The following GLCCI1 variants were observed in gnomAD, a reference collection of about 807,000 sequenced individuals.
GLCCI1 encodes the protein glucocorticoid induced 1.
A neutral mutation model predicts 52.2 loss-of-function variants in GLCCI1; 24 were observed. The observed-to-expected ratio is 0.46, with a 90% CI of 0.33 to 0.65. The LOEUF (loss-of-function observed/expected upper bound fraction) is 0.65. Among genes scored for constraint, GLCCI1 ranks in the 30% least tolerant of loss-of-function variants. The probability of loss-of-function intolerance (pLI) is 0.02; values close to 1 mark genes in which losing one functional copy is unlikely to be tolerated. For missense variants in GLCCI1, 704 were observed against 701.5 expected (o/e 1.00, Z -0.04); for synonymous variants, 310 against 276.5 (o/e 1.12, Z -1.20).
chr7:8,043,245 C>A (rs1009720713), intron 3 of GLCCI1, among the ~76,000 whole-genome samples: 63 of 151,926 alleles, frequency 4.1e-4, no homozygotes, highest in African/African-American at 1.5e-3. Flanking sequence ...TGACTCACTT[C>A]ATTGCTATAT....
At chr7:8,025,982 G>A (rs1046944469) in intron 3 of GLCCI1, among the ~76,000 whole-genome samples, 6 of 152,182 alleles carry the variant, frequency 3.9e-5, no homozygotes, top group Non-Finnish European at 8.8e-5. Flanking sequence ...CTGAAAGGAA[G>A]TAACACTGTA....
intron 2 of GLCCI1, among the ~76,000 whole-genome samples, chr7:8,015,810 C>T (rs983430555): frequency 6.6e-6 from 1 of 152,172 alleles, no homozygotes; most frequent in Non-Finnish European, 1.5e-5. Context: ...GTTATGTGTT[C>T]ATTTGTTTCA....
intron 6 of GLCCI1, among the ~76,000 whole-genome samples, chr7:8,083,532 G>A (rs928813239): frequency 1.3e-5 from 2 of 152,084 alleles, no homozygotes; most frequent in East Asian, 1.9e-4. Flanking sequence ...CATGCAAGAT[G>A]TAGGATAAAT....
chr7:7,974,435 A>G (rs2115401183), intron 1 of GLCCI1, among the ~76,000 whole-genome samples: 1 of 152,302 alleles, frequency 6.6e-6, no homozygotes, highest in Non-Finnish European at 1.5e-5. Context: ...TATTAATTAC[A>G]GTACTTTTTA....
intron 2 of GLCCI1, among the ~76,000 whole-genome samples, chr7:8,021,475 C>A (rs1334321241): frequency 6.6e-6 from 1 of 152,090 alleles, no homozygotes; most frequent in Non-Finnish European, 1.5e-5. Flanking sequence ...TGCAATGACA[C>A]AATCTTGGCT....
chr7:8,048,700 T>A (rs1782190660), intron 3 of GLCCI1, among the ~76,000 whole-genome samples: 1 of 152,194 alleles, frequency 6.6e-6, no homozygotes. Context: ...TCATAGATGC[T>A]AGCAGAAGGT....
intron 2 of GLCCI1, among the ~76,000 whole-genome samples, chr7:8,015,456 T>TG (rs1015902695): frequency 2.0e-5 from 3 of 152,226 alleles, no homozygotes; most frequent in African/African-American, 7.2e-5. Flanking sequence ...GAAGCAAGAC[T>TG]GAAGATTTGA....
chr7:8,023,832 T>G (rs1034586271), intron 3 of GLCCI1, among the ~76,000 whole-genome samples: 1 of 151,624 alleles, frequency 6.6e-6, no homozygotes, highest in African/African-American at 2.4e-5. Flanking sequence ...CTCCTGACCT[T>G]AAGCGATCTG....
chr7:8,037,760 A>T (rs1781898994), intron 3 of GLCCI1, among the ~76,000 whole-genome samples: 1 of 152,176 alleles, frequency 6.6e-6, no homozygotes, highest in South Asian at 2.1e-4. Context: ...TACATCAGAT[A>T]AAACAGATTT....
chr7:8,031,862 A>C (rs1762900544), intron 3 of GLCCI1, among the ~76,000 whole-genome samples: 1 of 152,086 alleles, frequency 6.6e-6, no homozygotes, highest in South Asian at 2.1e-4. Context: ...GGAAAGTTTC[A>C]TAATAATAAA....
At chr7:8,058,313 C>T (rs756148417) in intron 4 of GLCCI1, among the ~76,000 whole-genome samples, 15 of 152,070 alleles carry the variant, frequency 9.9e-5, no homozygotes, top group Non-Finnish European at 2.1e-4. Context: ...CAGTATTTTT[C>T]AAATAGCAAT....
Position 8,084,931 on chromosome 7 carries a change from T to C in GLCCI1, c.1212T>C (p.Ala404=), listed in dbSNP as rs769499574. The C allele has an allele frequency of 1.2e-6, 2 of 1,614,116 alleles. No individual in the cohort carries two copies. Among genetic ancestry groups the C allele is most frequent in the South Asian group, 1.1e-5 (1 of 91,068 alleles). Residue 404 remains alanine (A), a synonymous_variant, in exon 7 of 8, where the codon GCT becomes GCC. Transcript: ENST00000223145. ...GTAGCTCACCGTTACCCAAGTATGC[T>C]TCATCTCCCAAACCAAACAACAGCT... ...SGSSSPLPKY[A]SSPKPNNSYM...
rs898862777 is a variant in GLCCI1 at position 7,998,577 on chromosome 7, C to T, written c.458-5331C>T. Among the ~76,000 whole-genome samples, 8 of 152,080 alleles carry T rather than the reference C, an allele frequency of 5.3e-5. No individual in the cohort carries two copies. In the East Asian group the frequency reaches 5.8e-4, roughly 11 times the overall value. ...ATTTGCATGCAAAATGCCTTGTTTG[C>T]GTGGTTGGGTCTTTTTCCAAAGAAG... On this transcript the variant is annotated intron_variant, in intron 1 of 7. Transcript: ENST00000223145.
At chr7:8,014,205 G>A (rs1781331628) in intron 2 of GLCCI1, among the ~76,000 whole-genome samples, 1 of 152,068 alleles carries the variant, frequency 6.6e-6, no homozygotes, top group South Asian at 2.1e-4. Context: ...TGGTCAGGCT[G>A]GTCTCAAATT....
intron 1 of GLCCI1, among the ~76,000 whole-genome samples, chr7:7,986,532 A>T (rs1477819818): frequency 8.2e-6 from 1 of 122,246 alleles, no homozygotes; most frequent in Non-Finnish European, 1.9e-5. Context: ...CTCAAAAAAG[A>T]AAAAAAAGAA....
intron 1 of GLCCI1, chr7:7,981,167 A>C: frequency 2.4e-6 from 1 of 416,240 alleles, no homozygotes; most frequent in Non-Finnish European, 4.6e-6. Flanking sequence ...TGGATATAAT[A>C]CTCTCTAGAT....
At chr7:8,062,798 T>C (rs1782546957) in intron 5 of GLCCI1, among the ~76,000 whole-genome samples, 1 of 152,200 alleles carries the variant, frequency 6.6e-6, no homozygotes, top group African/African-American at 2.4e-5. Context: ...AAGGACATGG[T>C]CTTACTCTTT....
At chr7:7,984,260 A>G (rs1042571219) in intron 1 of GLCCI1, among the ~76,000 whole-genome samples, 4 of 151,996 alleles carry the variant, frequency 2.6e-5, no homozygotes, top group Non-Finnish European at 4.4e-5. Flanking sequence ...TGGTCTCCCT[A>G]TGTTACCCAG....
intron 1 of GLCCI1, among the ~76,000 whole-genome samples, chr7:7,986,206 A>C (rs979268517): frequency 6.6e-6 from 1 of 152,226 alleles, no homozygotes; most frequent in Non-Finnish European, 1.5e-5. Context: ...TTCAATTTAC[A>C]TGCTTTGAAA....
Sources: allele counts gnomAD v4.1 joint callset (sites outside exome capture counted in the v4.1 genomes callset), GRCh38; gene constraint gnomAD v4.1.1; transcripts MANE v1.5; gene names NCBI Gene and HGNC (gene_info 2026-07-23, HGNC 2026-07-21).